GNB1: variants seen among roughly 807,000 people sequenced by gnomAD.
GNB1 encodes guanine nucleotide-binding protein G(I)/G(S)/G(T) subunit beta-1.
GNB1 carries 2 observed loss-of-function variants against 42.9 expected under a neutral mutation model. The ratio of observed to expected loss-of-function variants is 0.05; its 90% CI spans 0.02 to 0.15. The LOEUF (loss-of-function observed/expected upper bound fraction) is 0.15, where lower values mean the gene tolerates loss of function less well. GNB1 is among the 10% of genes least tolerant of loss of function. The pLI, the probability that GNB1 is intolerant of heterozygous loss-of-function variation, is 1.00. For synonymous variants in GNB1, 183 were observed against 174.7 expected (o/e 1.05, Z -0.38); for missense variants, 193 against 462.2 (o/e 0.42, Z 5.34).
At chr1:1,842,755 G>A (rs1413248844) in intron 1 of GNB1, among the ~76,000 whole-genome samples, 4 of 152,176 alleles carry the variant, frequency 2.6e-5, no homozygotes, top group South Asian at 4.1e-4. Context: ...AAACGGCACC[G>A]AATCATTCAC....
intron 1 of GNB1, among the ~76,000 whole-genome samples, chr1:1,840,193 A>T (rs1465311146): frequency 6.7e-6 from 1 of 149,982 alleles, no homozygotes; most frequent in African/African-American, 2.5e-5. Flanking sequence ...ACGCCACTAC[A>T]CTTCAGCCTG....
At chr1:1,870,504 ATCCC>A (rs1392926248) in intron 1 of GNB1, among the ~76,000 whole-genome samples, 1 of 152,126 alleles carries the variant, frequency 6.6e-6, no homozygotes, top group Non-Finnish European at 1.5e-5. Context: ...TAAAAATCAA[ATCCC>A]TCCCTATCAA....
chr1:1,874,521 T>C (rs1649428169), intron 1 of GNB1, among the ~76,000 whole-genome samples: 1 of 143,556 alleles, frequency 7.0e-6, no homozygotes, highest in Admixed American at 7.7e-5. Context: ...GCAGGAGAAC[T>C]GCTTGAACCT....
At chr1:1,804,255 C>T (rs1384703945) in intron 7 of GNB1, among the ~76,000 whole-genome samples, 164 bp downstream of exon 7, 4 of 151,970 alleles carry the variant, frequency 2.6e-5, no homozygotes, top group African/African-American at 7.3e-5. Flanking sequence ...GCCGAGATCA[C>T]GCCACCGCAC....
At chr1:1,838,813 G>C (rs1360024593) in intron 2 of GNB1, among the ~76,000 whole-genome samples, 1 of 152,118 alleles carries the variant, frequency 6.6e-6, no homozygotes, top group Admixed American at 6.6e-5. Context: ...AAAAAAACTA[G>C]CGATGTACCA....
chr1:1,862,093 A>C lies in GNB1; in HGVS notation c.-95-22855T>G, dbSNP rs142788674. Among the ~76,000 whole-genome samples the C allele has an allele frequency of 3.0e-3, 450 of 152,216 alleles. 6 individuals are homozygous for C. Among genetic ancestry groups the C allele is most frequent in the African/African-American group, 0.01 (427 of 41,536 alleles). ...AAAAAAAAGCCTGGTGTGGTGGCGC[A>C]CACCTGTAATCCCAGCTACTTGGGA... On this transcript the variant is annotated intron_variant, in intron 1 of 11. Coordinates refer to ENST00000378609, the MANE Select transcript of GNB1 (RefSeq NM_002074.5).
intron 2 of GNB1, among the ~76,000 whole-genome samples, chr1:1,828,132 T>C (rs1343520076): frequency 2.0e-5 from 3 of 151,930 alleles, no homozygotes; most frequent in African/African-American, 7.3e-5. Context: ...ACCAGCGTGG[T>C]TAACATGGAG....
intron 7 of GNB1, among the ~76,000 whole-genome samples, chr1:1,795,757 A>C (rs998498258): frequency 2.0e-5 from 3 of 151,458 alleles, no homozygotes; most frequent in African/African-American, 7.3e-5. Context: ...TGCCTCAAAA[A>C]AACAAAAAAC....
chr1:1,801,217 G>A (rs948912162), intron 7 of GNB1, among the ~76,000 whole-genome samples: 6 of 152,134 alleles, frequency 3.9e-5, no homozygotes, highest in Admixed American at 3.3e-4. Flanking sequence ...TAGTAGACAC[G>A]GGGTTTCGTC....
chr1:1,866,781 C>T (rs1422387521), intron 1 of GNB1, among the ~76,000 whole-genome samples: 1 of 151,636 alleles, frequency 6.6e-6, no homozygotes, highest in Non-Finnish European at 1.5e-5. Flanking sequence ...GGTGAAACCC[C>T]GTTTCTACTA....
intron 1 of GNB1, among the ~76,000 whole-genome samples, chr1:1,883,923 T>C (rs534076916): frequency 6.6e-6 from 1 of 152,068 alleles, no homozygotes; most frequent in East Asian, 1.9e-4. Context: ...TGAAACCTAT[T>C]GTAGACTCTT....
chr1:1,882,426 C>CAAAA (rs5772052), intron 1 of GNB1, among the ~76,000 whole-genome samples: 34 of 71,578 alleles, frequency 4.8e-4, no homozygotes, highest in African/African-American at 1.6e-3. Flanking sequence ...GACTCCAACT[C>CAAAA]AAAAAAAAAA....
At chr1:1,807,354 C>T (rs1315436788) in intron 5 of GNB1, among the ~76,000 whole-genome samples, 1 of 149,232 alleles carries the variant, frequency 6.7e-6, no homozygotes, top group Non-Finnish European at 1.5e-5. Context: ...ATCCTAGCTA[C>T]TCAGGAGGCT....
chr1:1,787,282 C>T lies in GNB1; in HGVS notation c.*9+40G>A. ...TCAAATGTTCTATGAGAAACACGCA[C>T]AGTTCTCCTCAGAGAAGGGCATTTG... On this transcript the variant is annotated intron_variant, in intron 11 of 11. Transcript: ENST00000378609. The surrounding 1 kb of genome is among the most constrained non-coding windows in gnomAD (Gnocchi z 4.4). 1 of 970,182 alleles carries T rather than the reference C, an allele frequency of 1.0e-6. No individual in the cohort carries two copies. The highest frequency in any genetic ancestry group is 1.7e-6 in the Non-Finnish European group (1 of 604,158). 60.1% of individuals were successfully genotyped at this position (970,182 alleles called of 1,614,324 possible). A position where few individuals can be genotyped will look rare whatever the true frequency, so the allele number is the denominator to read the frequency against.
intron 2 of GNB1, among the ~76,000 whole-genome samples, chr1:1,831,567 G>C (rs774863653): frequency 3.3e-5 from 5 of 151,860 alleles, no homozygotes; most frequent in Non-Finnish European, 7.4e-5. Flanking sequence ...TCCTTCCTCA[G>C]CTTCCCAAGT....
intron 2 of GNB1, among the ~76,000 whole-genome samples, chr1:1,835,417 A>G (rs114622732): frequency 0.019 from 2,859 of 152,338 alleles, 29 homozygotes; most frequent in Middle Eastern, 0.065. Flanking sequence ...ATTAGAATCC[A>G]TGCAAGCCCC....
Position 1,789,842 on chromosome 1 carries a change from T to C in GNB1, c.699+553A>G, listed in dbSNP as rs114131505. On this transcript the variant is annotated intron_variant, in intron 9 of 11. Transcript: ENST00000378609. ...AAAGAGTAGAATTTATTCCAAAGGA[T>C]AGTGAGAAAGTAGTCATCACTGACA... Among the ~76,000 whole-genome samples, 1,314 of 152,248 alleles carry C rather than the reference T, an allele frequency of 8.6e-3. 21 individuals are homozygous for C. Among genetic ancestry groups the C allele is most frequent in the African/African-American group, 0.03 (1,261 of 41,528 alleles).
chr1:1,879,691 T>TGA (rs1386936696), intron 1 of GNB1, among the ~76,000 whole-genome samples: 1 of 140,570 alleles, frequency 7.1e-6, no homozygotes, highest in Non-Finnish European at 1.5e-5. Flanking sequence ...GGTGACAGAG[T>TGA]GAGACTCTGT....
intron 1 of GNB1, among the ~76,000 whole-genome samples, chr1:1,853,122 TC>T (rs947602508): frequency 4.6e-5 from 7 of 151,942 alleles, no homozygotes; most frequent in Non-Finnish European, 1.0e-4. Flanking sequence ...TGTGCTCCAC[TC>T]CCACTGCTTC....
Sources: allele counts gnomAD v4.1 joint callset (sites outside exome capture counted in the v4.1 genomes callset), GRCh38; gene constraint gnomAD v4.1.1; non-coding constraint Gnocchi (gnomAD v3.1); transcripts MANE v1.5; gene names NCBI Gene and HGNC (gene_info 2026-07-23, HGNC 2026-07-21).